The following XRCC6 variants were observed in gnomAD, a reference collection of about 807,000 sequenced individuals.
XRCC6 encodes X-ray repair cross complementing 6, also known as DNA repair protein Ku70.
Under a neutral mutation model 65.7 loss-of-function variants are expected in XRCC6, and 5 were observed. The observed-to-expected ratio is 0.08, with a 90% CI of 0.04 to 0.16. The LOEUF (loss-of-function observed/expected upper bound fraction) is 0.16, where lower values mean the gene tolerates loss of function less well. Ranked by LOEUF, XRCC6 falls within the 10% of genes least tolerant of loss-of-function variation. The pLI, the probability that XRCC6 is intolerant of heterozygous loss-of-function variation, is 1.00. For missense variants in XRCC6, 447 were observed against 738.1 expected, an observed-to-expected ratio of 0.61 and a Z score of 4.57; for synonymous variants, 270 against 270.6, an observed-to-expected ratio of 1.00 and a Z score of 0.02.
chr22:41,649,139 A>AAATATATATATATATATATATATAT, intron 7 of XRCC6, among the ~76,000 whole-genome samples: 2 of 88,722 alleles, frequency 2.3e-5, no homozygotes, highest in African/African-American at 4.6e-5. Flanking sequence ...AAAAAAAAAA[A>AAATATATATATATATATATATATAT]ATATATATAT....
intron 2 of XRCC6, 100 bp downstream of exon 2, chr22:41,622,186 C>G (rs2067615562): frequency 8.3e-7 from 1 of 1,207,402 alleles, no homozygotes; most frequent in Non-Finnish European, 1.2e-6. Flanking sequence ...GCCTGCCCTT[C>G]TCCTCCCAGA....
At chr22:41,636,794 T>C in intron 5 of XRCC6, 24 bp downstream of exon 5, 1 of 1,601,574 alleles carries the variant, frequency 6.2e-7, no homozygotes, top group Non-Finnish European at 8.5e-7. Context: ...CCCGTTCTCT[T>C]AAATTGGCAC....
intron 7 of XRCC6, among the ~76,000 whole-genome samples, chr22:41,650,305 ATGT>A (rs1461444104): frequency 1.3e-4 from 19 of 151,790 alleles, no homozygotes; most frequent in African/African-American, 4.4e-4. Flanking sequence ...GGGTCTTGCC[ATGT>A]TGTCCAGGCT....
chr22:41,625,709 A>G (rs1195362041), intron 2 of XRCC6, among the ~76,000 whole-genome samples: 1 of 152,200 alleles, frequency 6.6e-6, no homozygotes, highest in Non-Finnish European at 1.5e-5. Context: ...TCATGCCTGT[A>G]ATCCCAATAC....
intron 12 of XRCC6, 90 bp downstream of exon 12, chr22:41,661,534 T>A: frequency 9.2e-7 from 1 of 1,090,234 alleles, no homozygotes; most frequent in Non-Finnish European, 1.3e-6. Flanking sequence ...TTCAGAAATA[T>A]CTATTCACAG....
chr22:41,626,632 T>G (rs1289739770), intron 2 of XRCC6, among the ~76,000 whole-genome samples: 5 of 134,700 alleles, frequency 3.7e-5, no homozygotes, highest in African/African-American at 5.3e-5. Flanking sequence ...TGTTTGTTTG[T>G]TTTTTTTTTT....
chr22:41,660,685 ATC>A (rs1277848527), intron 11 of XRCC6, among the ~76,000 whole-genome samples: 2 of 151,942 alleles, frequency 1.3e-5, no homozygotes, highest in Non-Finnish European at 2.9e-5. Flanking sequence ...TCTGCTTCTT[ATC>A]TTTCACCACC....
chr22:41,662,349 T>TA (rs1429597862), intron 12 of XRCC6, among the ~76,000 whole-genome samples: 1 of 152,158 alleles, frequency 6.6e-6, no homozygotes, highest in East Asian at 1.9e-4. Flanking sequence ...ACCTAGTATG[T>TA]ACCCACAAAA....
intron 2 of XRCC6, among the ~76,000 whole-genome samples, chr22:41,622,476 A>G (rs2067619734): frequency 6.6e-6 from 1 of 152,276 alleles, no homozygotes; most frequent in African/African-American, 2.4e-5. Flanking sequence ...AAACGCAAGC[A>G]ACACAGTTAC....
At chr22:41,647,962 A>G (rs1344369672) in intron 7 of XRCC6, 1 of 143,052 alleles carries the variant, frequency 7.0e-6, no homozygotes, top group Non-Finnish European at 1.5e-5. Flanking sequence ...TAACTTTCAT[A>G]TGTGCATCTT....
chr22:41,623,885 G>A (rs1232346321), intron 2 of XRCC6, among the ~76,000 whole-genome samples: 2 of 151,946 alleles, frequency 1.3e-5, no homozygotes, highest in Non-Finnish European at 2.9e-5. Context: ...ACCACACTCG[G>A]CTAATTTTTG....
At chr22:41,645,364 G>A (rs145596710) in intron 6 of XRCC6, among the ~76,000 whole-genome samples, 3 of 151,906 alleles carry the variant, frequency 2.0e-5, no homozygotes, top group East Asian at 1.9e-4. Flanking sequence ...TAATTTCAGC[G>A]TATGAGTCAA....
chr22:41,621,886 C>T (rs2067610987), intron 1 of XRCC6, 104 bp from the exon 2 acceptor site: 1 of 1,125,308 alleles, frequency 8.9e-7, no homozygotes, highest in South Asian at 1.4e-5. Flanking sequence ...GTCCACATTC[C>T]TCACTACTAA....
At chr22:41,639,111 T>G (rs917394213) in intron 6 of XRCC6, among the ~76,000 whole-genome samples, 6 of 152,112 alleles carry the variant, frequency 3.9e-5, no homozygotes, top group Non-Finnish European at 5.9e-5. Flanking sequence ...ATGTTAGTGG[T>G]GCATGAGTGT....
chr22:41,628,056 C>A, intron 2 of XRCC6, 62 bp from the exon 3 acceptor site: 1 of 1,173,982 alleles, frequency 8.5e-7, no homozygotes, highest in Non-Finnish European at 1.2e-6. Context: ...CTTTATTTAT[C>A]TTATATGGTA....
At chr22:41,653,365 C>T (rs1488070666) in intron 8 of XRCC6, among the ~76,000 whole-genome samples, 164 bp from the exon 9 acceptor site, 1 of 152,098 alleles carries the variant, frequency 6.6e-6, no homozygotes, top group Non-Finnish European at 1.5e-5. Context: ...GATTGCAGCA[C>T]TGCACTCTAT....
Position 41,663,806 on chromosome 22 carries a change from C to G in XRCC6, c.1821C>G (p.Phe607Leu). The G allele has an allele frequency of 1.9e-6, 3 of 1,612,196 alleles. No individual in the cohort carries two copies. Among genetic ancestry groups the G allele is most frequent in the Non-Finnish European group, 1.7e-6 (2 of 1,178,978 alleles). ...QELLEALTKH[F>L]QD ...TGCTGGAAGCCCTCACCAAGCACTT[C>G]CAGGACTGACCAGAGGCCGCGCGTC... The change falls in exon 13 of 13, where the codon TTC becomes TTG. Residue 607 changes from phenylalanine to leucine, a missense_variant. Phe to Leu is a conservative substitution (Grantham distance 22). This residue lies in a region of XRCC6 where 201 missense variants were observed against 374.1 expected (regional missense o/e 0.54). Transcript: ENST00000360079.
chr22:41,663,892 G>T lies in XRCC6; in HGVS notation c.*77G>T. On this transcript the variant is annotated 3_prime_UTR_variant, in exon 13 of 13. Transcript: ENST00000360079. ...CCTTGTCCTCAGCCAGTTAAAATGT[G>T]TTTCTCCTGAGCTAGGAAGAGTCTA... The T allele has an allele frequency of 6.7e-7, 1 of 1,496,096 alleles. No individual in the cohort carries two copies. The highest frequency in any genetic ancestry group is 1.2e-5 in the South Asian group (1 of 81,026). 92.7% of individuals were successfully genotyped at this position (1,496,096 alleles called of 1,614,324 possible).
intron 4 of XRCC6, 103 bp from the exon 5 acceptor site, chr22:41,636,413 C>G: frequency 6.6e-7 from 1 of 1,515,514 alleles, no homozygotes. Flanking sequence ...ATGGGTTAAA[C>G]AGCTCTGGGG....
Sources: allele counts gnomAD v4.1 joint callset (sites outside exome capture counted in the v4.1 genomes callset), GRCh38; gene constraint gnomAD v4.1.1; regional missense constraint gnomAD v4.1.1; transcripts MANE v1.5; gene names NCBI Gene and HGNC (gene_info 2026-07-23, HGNC 2026-07-21).